PDZD2: variants seen among roughly 807,000 people sequenced by gnomAD.
The protein encoded by PDZD2 is PDZ domain-containing protein 2.
In PDZD2, 90 loss-of-function variants were observed where a neutral mutation model predicts 220.7. The observed-to-expected ratio is 0.41, with a 90% confidence interval of 0.34 to 0.49. The LOEUF (loss-of-function observed/expected upper bound fraction) is 0.49, where lower values mean the gene tolerates loss of function less well. PDZD2 is among the 20% of genes least tolerant of loss of function. The pLI is 0.28. For synonymous variants in PDZD2, 1,375 were observed against 1,450.5 expected (o/e 0.95, Z 1.18); for missense variants, 3,174 against 3,608.5 (o/e 0.88, Z 3.08).
At chr5:31,644,377 A>G (rs1337780541) in intron 1 of PDZD2, among the ~76,000 whole-genome samples, 1 of 152,228 alleles carries the variant, frequency 6.6e-6, no homozygotes, top group Non-Finnish European at 1.5e-5. Context: ...GAAGCCAGGT[A>G]GGTCATCTGA....
chr5:31,707,766 A>C (rs1262277137), intron 1 of PDZD2, among the ~76,000 whole-genome samples: 1 of 152,124 alleles, frequency 6.6e-6, no homozygotes, highest in African/African-American at 2.4e-5. Context: ...AGCTGAGACT[A>C]CAGGCACCCA....
intron 2 of PDZD2, among the ~76,000 whole-genome samples, chr5:31,901,415 CAAA>C (rs11300764): frequency 5.1e-5 from 7 of 136,426 alleles, no homozygotes; most frequent in Non-Finnish European, 6.3e-5. Flanking sequence ...GAGACTGTCT[CAAA>C]AAAAAAAAAA....
At chr5:31,674,882 GAGA>G (rs1353549958) in intron 1 of PDZD2, among the ~76,000 whole-genome samples, 1 of 152,100 alleles carries the variant, frequency 6.6e-6, no homozygotes, top group South Asian at 2.1e-4. Flanking sequence ...TGAGGGCAGA[GAGA>G]AGGAGAGGCA....
At chr5:31,803,923 C>T (rs1368824415) in intron 2 of PDZD2, among the ~76,000 whole-genome samples, 1 of 151,732 alleles carries the variant, frequency 6.6e-6, no homozygotes, top group Non-Finnish European at 1.5e-5. Flanking sequence ...CCTGTAGTCC[C>T]AGCTACTCGA....
At chr5:31,872,974 A>G (rs975392446) in intron 2 of PDZD2, among the ~76,000 whole-genome samples, 3 of 152,320 alleles carry the variant, frequency 2.0e-5, no homozygotes, top group Middle Eastern at 6.8e-3. Flanking sequence ...TTGGTTTTCC[A>G]TATGAAAAAA....
chr5:31,979,792 T>A (rs1430726720), intron 2 of PDZD2, among the ~76,000 whole-genome samples: 1 of 152,152 alleles, frequency 6.6e-6, no homozygotes, highest in Non-Finnish European at 1.5e-5. Context: ...TGACCGTGAC[T>A]TAAAAAGAAT....
At chr5:31,735,922 G>A (rs1279575978) in intron 1 of PDZD2, among the ~76,000 whole-genome samples, 7 of 152,134 alleles carry the variant, frequency 4.6e-5, no homozygotes, top group East Asian at 1.9e-4. Flanking sequence ...TCCAGCCTGC[G>A]GGATAGAGTG....
intron 4 of PDZD2, among the ~76,000 whole-genome samples, chr5:31,996,830 C>A (rs775993665): frequency 2.0e-5 from 3 of 152,150 alleles, no homozygotes; most frequent in Non-Finnish European, 4.4e-5. Flanking sequence ...GCAGTGTGAG[C>A]CATCACTGTG....
intron 1 of PDZD2, among the ~76,000 whole-genome samples, chr5:31,654,074 G>A (rs1226556151): frequency 3.3e-5 from 5 of 152,154 alleles, no homozygotes; most frequent in South Asian, 2.1e-4. Flanking sequence ...GTGGGCCACC[G>A]CGCCTGGCCC....
At chr5:31,751,114 C>T (rs373941209) in intron 1 of PDZD2, among the ~76,000 whole-genome samples, 3 of 151,954 alleles carry the variant, frequency 2.0e-5, no homozygotes, top group South Asian at 4.2e-4. Flanking sequence ...TGGTGGCACG[C>T]GCCTGTAGTC....
intron 1 of PDZD2, among the ~76,000 whole-genome samples, chr5:31,668,311 T>A (rs978856073): frequency 1.3e-5 from 2 of 152,238 alleles, no homozygotes; most frequent in Non-Finnish European, 2.9e-5. Context: ...CAATGGAAGT[T>A]GGTGGAAGAC....
At chr5:31,869,376 A>G (rs10472788) in intron 2 of PDZD2, among the ~76,000 whole-genome samples, 27,068 of 151,344 alleles carry the variant, frequency 0.18, 6,903 homozygotes, top group African/African-American at 0.57. Context: ...TGCCTCCCCC[A>G]CCCCTTGGAA....
At chr5:31,723,809 G>A (rs1445839341) in intron 1 of PDZD2, among the ~76,000 whole-genome samples, 1 of 151,994 alleles carries the variant, frequency 6.6e-6, no homozygotes, top group African/African-American at 2.4e-5. Flanking sequence ...GTAGAGACGG[G>A]GTTTCACCAT....
chr5:31,777,799 C>A (rs1752792681), intron 1 of PDZD2, among the ~76,000 whole-genome samples: 2 of 152,214 alleles, frequency 1.3e-5, no homozygotes, highest in East Asian at 3.9e-4. Context: ...GTGGATGCAC[C>A]AATCAGCACT....
chr5:32,058,204 T>C (rs1266234997), intron 12 of PDZD2, 101 bp downstream of exon 12: 3 of 691,378 alleles, frequency 4.3e-6, no homozygotes, highest in Non-Finnish European at 7.7e-6. Flanking sequence ...ATTATTCCTT[T>C]GGTACAATCT....
intron 2 of PDZD2, among the ~76,000 whole-genome samples, chr5:31,926,369 A>C (rs1744761994): frequency 6.7e-6 from 1 of 150,146 alleles, no homozygotes; most frequent in Non-Finnish European, 1.5e-5. Flanking sequence ...TCTACTAAAA[A>C]TACAAAATTA....
intron 13 of PDZD2, among the ~76,000 whole-genome samples, chr5:32,060,117 T>G (rs1054732594): frequency 6.6e-6 from 1 of 152,230 alleles, no homozygotes; most frequent in African/African-American, 2.4e-5. Context: ...GTTGCCATTT[T>G]GGGGCCCTGT....
chr5:32,092,146 C>A lies in PDZD2; in HGVS notation c.7728-761C>A, dbSNP rs562329353. The stretch of plus-strand genomic sequence containing the variant: ...AAAATTAGCTGGGGATGGTGGCAGG[C>A]GCCTGTAATCCCACCTACTTGGGAG... On this transcript the variant is annotated intron_variant, in intron 20 of 24. Coordinates refer to ENST00000438447, the MANE Select transcript of PDZD2 (RefSeq NM_178140.4). 1.7e-4 allele frequency among the ~76,000 whole-genome samples: 26 copies of A among 150,932 alleles called. No homozygotes were observed. In the South Asian group the frequency reaches 5.3e-3, roughly 31 times the overall value.
chr5:31,763,043 A>G (rs1386108413), intron 1 of PDZD2, among the ~76,000 whole-genome samples: 1 of 152,188 alleles, frequency 6.6e-6, no homozygotes, highest in Non-Finnish European at 1.5e-5. Flanking sequence ...GTGATTTTTT[A>G]AAGCACTTTA....
Sources: gnomAD v4.1 joint callset for allele counts (sites outside exome capture counted in the v4.1 genomes callset) on GRCh38, gnomAD v4.1.1 for gene constraint, MANE v1.5 for transcripts, NCBI Gene and HGNC (gene_info 2026-07-23, HGNC 2026-07-21) for gene names.